The following HIP1 variants were observed in gnomAD, a reference collection of about 807,000 sequenced individuals.
HIP1 encodes the protein huntingtin interacting protein 1.
Under a neutral mutation model 147.6 loss-of-function variants are expected in HIP1, and 65 were observed. The ratio of observed to expected loss-of-function variants is 0.44; its 90% CI spans 0.36 to 0.54. The LOEUF (loss-of-function observed/expected upper bound fraction) is 0.54, where lower values mean the gene tolerates loss of function less well. HIP1 is among the 20% of genes least tolerant of loss of function. The probability of loss-of-function intolerance (pLI) is 0.00; values close to 1 mark genes in which losing one functional copy is unlikely to be tolerated. For synonymous variants in HIP1, 479 were observed against 504.0 expected, an observed-to-expected ratio of 0.95 and a Z score of 0.67; for missense variants, 1,061 against 1,299.6, an observed-to-expected ratio of 0.82 and a Z score of 2.82.
chr7:75,632,226 G>A (rs1554509047), intron 1 of HIP1, among the ~76,000 whole-genome samples: 3 of 152,150 alleles, frequency 2.0e-5, no homozygotes, highest in Non-Finnish European at 2.9e-5. Context: ...CAAGGACTCA[G>A]CCATCCTCAG....
chr7:75,544,873 AC>A, intron 26 of HIP1, 73 bp from the exon 27 acceptor site: 1 of 989,066 alleles, frequency 1.0e-6, no homozygotes, highest in Non-Finnish European at 1.6e-6. Flanking sequence ...CCACCTCCAG[AC>A]CACCCCATCG....
chr7:75,634,173 T>C (rs1179631), intron 1 of HIP1, among the ~76,000 whole-genome samples: 7,503 of 152,066 alleles, frequency 0.049, 193 homozygotes, highest in Middle Eastern at 0.085. Context: ...GATGGGAGGA[T>C]TGCTTGAGCC....
chr7:75,561,379 A>G lies in HIP1; in HGVS notation c.1141T>C (p.Tyr381His), dbSNP rs782547438. ...DEKDHLIERL[Y>H]REISGLKAQL... ...GCCTTCAATCCACTGATCTCTCTGT[A>G]TAGTCGCTCAATTAAGTGGTCCCTG... is the stretch of plus-strand genomic sequence containing the variant. The change falls in exon 13 of 31, where the codon TAC becomes CAC. Residue 381 changes from tyrosine (Y) to histidine (H), a missense_variant. Transcript: ENST00000336926. The G allele has an allele frequency of 9.3e-6, 15 of 1,612,824 alleles. 1 individual carries two copies. The highest frequency in any genetic ancestry group is 3.3e-4 in the Middle Eastern group (2 of 6,080).
At chr7:75,608,876 G>A (rs1352993968) in intron 1 of HIP1, among the ~76,000 whole-genome samples, 8 of 152,140 alleles carry the variant, frequency 5.3e-5, no homozygotes, top group Admixed American at 4.6e-4. Context: ...ATATCAGGTC[G>A]AGGAAAACTG....
At chr7:75,665,755 GGT>G (rs1799539148) in intron 1 of HIP1, among the ~76,000 whole-genome samples, 1 of 152,014 alleles carries the variant, frequency 6.6e-6, no homozygotes. Context: ...TGGCCAGGCT[GGT>G]CTCGAACTCC....
chr7:75,555,577 G>T (rs782392726), intron 18 of HIP1, 26 bp from the exon 19 acceptor site: 1 of 1,613,712 alleles, frequency 6.2e-7, no homozygotes, highest in Non-Finnish European at 8.5e-7. Context: ...GGAGGTGAGA[G>T]TCTGCCCTAG....
intron 1 of HIP1, among the ~76,000 whole-genome samples, chr7:75,658,608 G>A (rs781859545): frequency 2.0e-5 from 3 of 151,922 alleles, no homozygotes; most frequent in Non-Finnish European, 4.4e-5. Flanking sequence ...AAAAGAGGCA[G>A]GAAAAAGGCT....
intron 1 of HIP1, among the ~76,000 whole-genome samples, chr7:75,705,147 A>C (rs1295082816): frequency 6.6e-6 from 1 of 152,030 alleles, no homozygotes; most frequent in Non-Finnish European, 1.5e-5. Context: ...GCAAAACTGA[A>C]ACTCTATCCT....
At position 75,568,171 on chromosome 7, in the gene HIP1, C is replaced by T. The variant is rs781799065; in HGVS notation, c.803+28G>A. On this transcript the variant is annotated intron_variant, in intron 9 of 30. Coordinates refer to ENST00000336926, the MANE Select transcript of HIP1 (RefSeq NM_005338.7). This position sits in a 1 kb window ranked among gnomAD's most constrained non-coding sequence, Gnocchi z 4.1. ...GATTTTATAGCGCTCTTGAATTCACCTCCATTCCTGTTACTTGAACCACTT... is the reference window on the plus strand; with the variant it reads ...GATTTTATAGCGCTCTTGAATTCACTTCCATTCCTGTTACTTGAACCACTT... 3 of 1,535,988 alleles carry T rather than the reference C, an allele frequency of 2.0e-6. No individual in the cohort carries two copies. Among genetic ancestry groups the T allele is most frequent in the African/African-American group, 1.4e-5 (1 of 73,306 alleles).
chr7:75,562,286 GTTTAA>G, intron 11 of HIP1, 116 bp from the exon 12 acceptor site: 1 of 693,550 alleles, frequency 1.4e-6, no homozygotes. Context: ...GTTCAGACCT[GTTTAA>G]TTTTTTTAAT....
chr7:75,569,563 C>T (rs782310250), intron 8 of HIP1, among the ~76,000 whole-genome samples: 12 of 151,648 alleles, frequency 7.9e-5, no homozygotes, highest in Non-Finnish European at 5.9e-5. Context: ...GAGCTACAAT[C>T]GCACCACTGC....
chr7:75,661,756 C>G (rs1267598641), intron 1 of HIP1, among the ~76,000 whole-genome samples: 1 of 151,686 alleles, frequency 6.6e-6, no homozygotes, highest in Non-Finnish European at 1.5e-5. Flanking sequence ...GCAGCTACAG[C>G]AGAGTAACGC....
chr7:75,581,740 C>T (rs988027056), intron 6 of HIP1, among the ~76,000 whole-genome samples: 6 of 152,168 alleles, frequency 3.9e-5, no homozygotes, highest in African/African-American at 1.4e-4. Context: ...GATCAAGTCA[C>T]TGCACTCCAG....
chr7:75,717,508 T>C (rs1801356355), intron 1 of HIP1, among the ~76,000 whole-genome samples: 1 of 151,888 alleles, frequency 6.6e-6, no homozygotes, highest in Non-Finnish European at 1.5e-5. Context: ...GGCAGGTTCA[T>C]AACAATGGCT....
rs1802111993 is a variant in HIP1 at position 75,738,837 on chromosome 7, C to A, written c.84G>T (p.Leu28=). The A allele has an allele frequency of 6.3e-7, 1 of 1,596,452 alleles. No individual in the cohort carries two copies. The highest frequency in any genetic ancestry group is 8.5e-7 in the Non-Finnish European group (1 of 1,173,398). ...CGAAGCTCTCGCGCTCCGCCGCCTC[C>A]AGCCCAGCGCCGACCCCGCGCCGGC... The part of the protein sequence containing the change: ...VLSRRGVGAG[L]EAAERESFER... The change falls in exon 1 of 31, where the codon CTG becomes CTT. Residue 28 remains leucine (L), a synonymous_variant. Transcript: ENST00000336926.
At chr7:75,588,728 C>T (rs1285477380) in intron 4 of HIP1, among the ~76,000 whole-genome samples, 1 of 152,094 alleles carries the variant, frequency 6.6e-6, no homozygotes, top group Non-Finnish European at 1.5e-5. Context: ...AAGCCATGAT[C>T]GCGCCACTGC....
chr7:75,603,073 G>A (rs1044981505), intron 1 of HIP1, among the ~76,000 whole-genome samples: 4 of 147,924 alleles, frequency 2.7e-5, no homozygotes, highest in African/African-American at 1.0e-4. Flanking sequence ...CCGGCCGGGC[G>A]CAGTGACTCA....
At chr7:75,599,271 G>A in intron 1 of HIP1, 24 bp from the exon 2 acceptor site, 1 of 1,578,724 alleles carries the variant, frequency 6.3e-7, no homozygotes, top group Non-Finnish European at 8.7e-7. Context: ...AGGGGGGAGG[G>A]AAAGGAGGAT....
chr7:75,547,813 C>G lies in HIP1; in HGVS notation c.2407G>C (p.Glu803Gln), dbSNP rs142174653. Residue 803 changes from glutamate to glutamine, a missense_variant and splice_region_variant, in exon 24 of 31, where the codon GAG (glutamate) becomes CAG (glutamine). Physicochemically the swap from Glu to Gln is conservative, Grantham distance 29. Around this residue, in one of 3 missense-constraint regions of HIP1, gnomAD observed 810 missense variants for 946.8 expected, o/e 0.86. Transcript: ENST00000336926. ...CCTGCTCGGGATTTGCTGAGCATCT[C>G]CTGTGAAAAAGAAGCATGGTTTCTA... ...AIETATARIE[E>Q]MLSKSRAGDT... The G allele has an allele frequency of 2.5e-6, 4 of 1,613,454 alleles. No homozygotes were observed. Among genetic ancestry groups the G allele is most frequent in the Non-Finnish European group, 3.4e-6 (4 of 1,179,606 alleles).
Sources: allele counts gnomAD v4.1 joint callset (sites outside exome capture counted in the v4.1 genomes callset), GRCh38; gene constraint gnomAD v4.1.1; regional missense constraint gnomAD v4.1.1; non-coding constraint Gnocchi (gnomAD v3.1); transcripts MANE v1.5; gene names NCBI Gene and HGNC (gene_info 2026-07-23, HGNC 2026-07-21).